Variants in CABLES1 observed in about 807,000 individuals in gnomAD.
CABLES1 encodes the protein Cdk5 and Abl enzyme substrate 1, also known as CDK5 and ABL1 enzyme substrate 1.
CABLES1 carries 36 observed loss-of-function variants against 57.8 expected under a neutral mutation model. That is an observed-to-expected ratio of 0.62 (90% confidence interval 0.48 to 0.82). The LOEUF is 0.82. Ranked by LOEUF, CABLES1 falls within the 40% of genes least tolerant of loss-of-function variation. The pLI is 0.00. For synonymous variants in CABLES1, 374 were observed against 363.0 expected, an observed-to-expected ratio of 1.03 and a Z score of -0.35; for missense variants, 767 against 836.6, an observed-to-expected ratio of 0.92 and a Z score of 1.03.
chr18:23,206,112 C>T (rs947298841), intron 3 of CABLES1, among the ~76,000 whole-genome samples: 7 of 152,166 alleles, frequency 4.6e-5, no homozygotes, highest in African/African-American at 1.7e-4. Flanking sequence ...ACTTCGTGAG[C>T]TTTTCTGCCC....
chr18:23,225,490 C>T (rs1233426653), intron 4 of CABLES1, among the ~76,000 whole-genome samples: 1 of 150,398 alleles, frequency 6.6e-6, no homozygotes, highest in African/African-American at 2.4e-5. Flanking sequence ...CATTGTTTTG[C>T]TTTGATCTTT....
At chr18:23,244,908 G>A (rs2047836130) in intron 7 of CABLES1, among the ~76,000 whole-genome samples, 1 of 152,198 alleles carries the variant, frequency 6.6e-6, no homozygotes, top group South Asian at 2.1e-4. Context: ...AATTCCTGGG[G>A]AAACTTGAAG....
At chr18:23,237,467 C>T (rs971080498) in intron 7 of CABLES1, among the ~76,000 whole-genome samples, 6 of 152,240 alleles carry the variant, frequency 3.9e-5, no homozygotes, top group Non-Finnish European at 5.9e-5. Context: ...CTGCCAGTGT[C>T]CACAAAGTCA....
chr18:23,236,121 A>C, intron 6 of CABLES1, 70 bp downstream of exon 6: 5 of 1,533,988 alleles, frequency 3.3e-6, no homozygotes, highest in Non-Finnish European at 4.5e-6. Context: ...ATGGGGATTG[A>C]GTCTCCCTGT....
chr18:23,209,881 G>C (rs147256846), intron 3 of CABLES1, among the ~76,000 whole-genome samples: 1 of 152,150 alleles, frequency 6.6e-6, no homozygotes, highest in Non-Finnish European at 1.5e-5. Context: ...CACCTTGCGG[G>C]GGGGCGGTCC....
chr18:23,211,976 G>A (rs1317602643), intron 3 of CABLES1, among the ~76,000 whole-genome samples: 1 of 152,220 alleles, frequency 6.6e-6, no homozygotes, highest in Non-Finnish European at 1.5e-5. Context: ...CTCTGGACAT[G>A]ATGCTCTGTC....
At chr18:23,164,941 T>TGG (rs2047031345) in intron 1 of CABLES1, among the ~76,000 whole-genome samples, 1 of 152,044 alleles carries the variant, frequency 6.6e-6, no homozygotes, top group Admixed American at 6.6e-5. Flanking sequence ...CCAGCTAACT[T>TGG]TTTGTAGTTT....
At chr18:23,152,967 G>GT (rs1292659602) in intron 1 of CABLES1, among the ~76,000 whole-genome samples, 2 of 149,910 alleles carry the variant, frequency 1.3e-5, no homozygotes, top group African/African-American at 2.5e-5. Flanking sequence ...ACGCCCTGCT[G>GT]TTTTTTGTAT....
At chr18:23,204,404 C>A (rs111687323) in intron 3 of CABLES1, 1 of 152,160 alleles carries the variant, frequency 6.6e-6, no homozygotes, top group Non-Finnish European at 1.5e-5. Flanking sequence ...TACGGGTTTG[C>A]GACTGAAAAG....
chr18:23,141,790 G>A (rs1402959512), intron 1 of CABLES1, among the ~76,000 whole-genome samples: 1 of 152,142 alleles, frequency 6.6e-6, no homozygotes, highest in East Asian at 1.9e-4. Context: ...TGAATGGGTG[G>A]GGAAGCCATC....
At chr18:23,209,837 C>G (rs1439222282) in intron 3 of CABLES1, among the ~76,000 whole-genome samples, 1 of 152,148 alleles carries the variant, frequency 6.6e-6, no homozygotes, top group African/African-American at 2.4e-5. Context: ...GGGGTAAAAA[C>G]AGATTTGGTG....
At chr18:23,226,208 C>G (rs2047526013) in intron 4 of CABLES1, among the ~76,000 whole-genome samples, 1 of 152,154 alleles carries the variant, frequency 6.6e-6, no homozygotes, top group Non-Finnish European at 1.5e-5. Context: ...TCAAGACCAG[C>G]CTGGCCAACA....
intron 1 of CABLES1, chr18:23,149,824 G>A (rs1246077103): frequency 6.6e-6 from 1 of 152,234 alleles, no homozygotes; most frequent in Non-Finnish European, 1.5e-5. Context: ...TTCAGGCTTG[G>A]GAGCAGCCAC....
In CABLES1 at chr18:23,136,369, G is replaced by A; in HGVS notation, c.607G>A (p.Ala203Thr). 1 of 1,524,080 alleles carries A rather than the reference G, an allele frequency of 6.6e-7. No homozygotes were observed. Among genetic ancestry groups the A allele is most frequent in the Non-Finnish European group, 8.8e-7 (1 of 1,137,582 alleles). 94.4% of individuals were successfully genotyped at this position (1,524,080 alleles called of 1,614,324 possible). A position where few individuals can be genotyped will look rare whatever the true frequency, so the allele number is the denominator to read the frequency against. ...QLQLLDGSGA[A>T]GQEELEEDDA... Reference sequence around the variant, plus strand: ...GCAGCTGCTCGACGGGTCCGGGGCCGCCGGGCAGGAGGAGTTGGAGGAGGA... The same window carrying A: ...GCAGCTGCTCGACGGGTCCGGGGCCACCGGGCAGGAGGAGTTGGAGGAGGA... Residue 203 changes from alanine to threonine, a missense_variant, in exon 1 of 10, where the codon GCC (alanine) becomes ACC (threonine). Physicochemically the swap from Ala to Thr is moderately conservative, Grantham distance 58. This residue lies in a region of CABLES1 where 529 missense variants were observed against 622.8 expected (regional missense o/e 0.85). Transcript: ENST00000256925.
chr18:23,252,216 A>T (rs2048056327), intron 7 of CABLES1, among the ~76,000 whole-genome samples: 1 of 152,146 alleles, frequency 6.6e-6, no homozygotes, highest in African/African-American at 2.4e-5. Context: ...AGCTGGAGGG[A>T]GTGGATGGGG....
intron 1 of CABLES1, among the ~76,000 whole-genome samples, chr18:23,184,801 G>A (rs2047191253): frequency 6.6e-6 from 1 of 152,170 alleles, no homozygotes; most frequent in Admixed American, 6.5e-5. Context: ...GGTCAGATGA[G>A]GGCTCTTCCA....
Position 23,198,391 on chromosome 18 carries a change from G to A in CABLES1, c.1010+3851G>A, listed in dbSNP as rs892297067. 3.9e-5 allele frequency among the ~76,000 whole-genome samples: 6 copies of A among 152,206 alleles called. No homozygotes were observed. The South Asian group carries it at 6.2e-4, about 16-fold the overall frequency. ...AGGACTAGATCTCGAGGAATGGAAA[G>A]AATTTAGAAATACAAATAATCCTTG... is the stretch of plus-strand genomic sequence containing the variant. On this transcript the variant is annotated intron_variant, in intron 3 of 9. Transcript: ENST00000256925.
intron 1 of CABLES1, among the ~76,000 whole-genome samples, chr18:23,179,931 T>C: frequency 6.6e-6 from 1 of 152,220 alleles, no homozygotes; most frequent in Admixed American, 6.5e-5. Context: ...TTGTTTTTTG[T>C]TTTTTGAGAC....
chr18:23,202,061 G>C (rs1211094895), intron 3 of CABLES1, among the ~76,000 whole-genome samples: 4 of 151,950 alleles, frequency 2.6e-5, no homozygotes, highest in Non-Finnish European at 5.9e-5. Flanking sequence ...AAGGAAGGAA[G>C]GAAGGCGAGA....
Sources: gnomAD v4.1 joint callset for allele counts (sites outside exome capture counted in the v4.1 genomes callset) on GRCh38, gnomAD v4.1.1 for gene constraint, gnomAD v4.1.1 regional missense constraint, MANE v1.5 for transcripts, NCBI Gene and HGNC (gene_info 2026-07-23, HGNC 2026-07-21) for gene names.